Variants in PLK2 observed in about 807,000 individuals in gnomAD.
PLK2 encodes polo like kinase 2.
PLK2 carries 25 observed loss-of-function variants against 78.1 expected under a neutral mutation model. The observed-to-expected ratio is 0.32, with a 90% CI of 0.23 to 0.45. PLK2 has a LOEUF of 0.45. Ranked by LOEUF, PLK2 falls within the 20% of genes least tolerant of loss-of-function variation. PLK2 has a pLI of 1.00. For missense variants in PLK2, 566 were observed against 840.2 expected (o/e 0.67, Z 4.04); for synonymous variants, 332 against 298.2 (o/e 1.11, Z -1.17).
intron 3 of PLK2, 54 bp from the exon 4 acceptor site, chr5:58,458,582 CTGGTT>C: frequency 1.3e-6 from 2 of 1,541,944 alleles, no homozygotes; most frequent in Admixed American, 3.7e-5. Flanking sequence ...ATCAAAATCA[CTGGTT>C]TCCCTTTGCA....
In PLK2 at chr5:58,455,402, A is replaced by G; in HGVS notation, c.1638T>C (p.Tyr546=). The part of the protein sequence containing the change: ...SLLPDKKTVH[Y]YAELGQCSVF... Reference sequence around the variant, plus strand: ...CTGAGCATTGGCCAAGCTCTGCGTAATAGTGAACTGTTCTATAAAAACAGG... The same window carrying G: ...CTGAGCATTGGCCAAGCTCTGCGTAGTAGTGAACTGTTCTATAAAAACAGG... Residue 546 remains tyrosine, a synonymous_variant, in exon 12 of 14, where the codon TAT becomes TAC. Transcript: ENST00000274289. The G allele has an allele frequency of 6.2e-7, 1 of 1,614,150 alleles. No individual in the cohort carries two copies. Among genetic ancestry groups the G allele is most frequent in the East Asian group, 2.2e-5 (1 of 44,894 alleles).
At position 58,458,539 on chromosome 5, in the gene PLK2, G is replaced by A. The variant is rs746441389; in HGVS notation, c.496-11C>T. 17 of 1,598,638 alleles carry A rather than the reference G, an allele frequency of 1.1e-5. No individual in the cohort carries two copies. The highest frequency in any genetic ancestry group is 7.1e-5 in the Admixed American group (4 of 56,682). Reference sequence around the variant, plus strand: ...AATATGAGCCATTGACTAAGAAGAGGAGAAGGAAAAAAGAGAATCTGTCAA... The same window carrying A: ...AATATGAGCCATTGACTAAGAAGAGAAGAAGGAAAAAAGAGAATCTGTCAA... On this transcript the variant is annotated splice_polypyrimidine_tract_variant and intron_variant, in intron 3 of 13. Coordinates refer to ENST00000274289, the MANE Select transcript of PLK2 (RefSeq NM_006622.4).
rs575518201 is a variant in PLK2, at chr5:58,459,249, G to T, written c.271-157C>A. 46 of 613,238 alleles carry T rather than the reference G, an allele frequency of 7.5e-5. 1 individual carries two copies. The South Asian group carries it at 8.9e-4, about 12-fold the overall frequency. 38.0% of individuals were successfully genotyped at this position (613,238 alleles called of 1,614,324 possible). On this transcript the variant is annotated intron_variant, in intron 1 of 13. Transcript: ENST00000274289. ...GAGGGAGGCATTCGACTTCGTTAAA[G>T]CTCCCTCATGAAGAGAAATGCATTG...
At position 58,459,996 on chromosome 5, in the gene PLK2, C is replaced by A. The variant is rs1245935855; in HGVS notation, c.-37G>T. The A allele has an allele frequency of 1.9e-6, 3 of 1,543,548 alleles. No homozygotes were observed. The highest frequency in any genetic ancestry group is 1.9e-5 in the Admixed American group (1 of 53,864). On this transcript the variant is annotated 5_prime_UTR_variant, in exon 1 of 14. Coordinates refer to ENST00000274289, the MANE Select transcript of PLK2 (RefSeq NM_006622.4). ...CGCCCCGCACTGCCCGCTGCCACCC[C>A]CTAGGCGCGGTCACACGTCCGAGCC... is the stretch of plus-strand genomic sequence containing the variant.
At chr5:58,456,451 A>C (rs1297904805) in intron 9 of PLK2, 41 bp downstream of exon 9, 2 of 1,133,198 alleles carry the variant, frequency 1.8e-6, no homozygotes, top group South Asian at 2.6e-5. Context: ...AGTGGAAATA[A>C]CGTAAAGCGT....
Position 58,457,503 on chromosome 5 carries a change from G to A in PLK2, c.794C>T (p.Ala265Val). Reference protein sequence around the residue: ...QGHGCESDIWALGCVMYTMLL... With the variant: ...QGHGCESDIWVLGCVMYTMLL... ...ATTTACTTACATTACACAGCCCAGG[G>A]CCCAAATGTCTGATTCACAGCCATG... Residue 265 changes from alanine to valine, a missense_variant, in exon 6 of 14, where the codon GCC (alanine) becomes GTC (valine). By Grantham distance (64) the Ala-to-Val change is moderately conservative. Transcript: ENST00000274289. 2 of 1,611,016 alleles carry A rather than the reference G, an allele frequency of 1.2e-6. No homozygotes were observed. The highest frequency in any genetic ancestry group is 1.7e-6 in the Non-Finnish European group (2 of 1,177,198).
Position 58,459,858 on chromosome 5 carries a change from C to T in PLK2, c.102G>A (p.Arg34=). Residue 34 remains arginine, a synonymous_variant, in exon 1 of 14, where the codon CGG becomes CGA. Transcript: ENST00000274289. ...GCGATTCCTCGGGGGGCTGCGGCGGCCGCTTCTTCTTCGAGTCCGCTCCGC... is the reference window on the plus strand; with the variant it reads ...GCGATTCCTCGGGGGGCTGCGGCGGTCGCTTCTTCTTCGAGTCCGCTCCGC... ...KGCGADSKKK[R]PPQPPEESQP... 6.2e-7 allele frequency: 1 copy of T among 1,610,682 alleles called. No homozygotes were observed. Among genetic ancestry groups the T allele is most frequent in the South Asian group, 1.1e-5 (1 of 91,030 alleles).
intron 2 of PLK2, 38 bp from the exon 3 acceptor site, chr5:58,458,879 G>T: frequency 7.2e-7 from 1 of 1,385,114 alleles, no homozygotes; most frequent in Non-Finnish European, 1.0e-6. Context: ...TTAGCTTCCA[G>T]TCACCTCGGA....
chr5:58,455,157 A>C lies in PLK2; in HGVS notation c.1755+128T>G, dbSNP rs1453398985. On this transcript the variant is annotated intron_variant, in intron 12 of 13. Coordinates refer to ENST00000274289, the MANE Select transcript of PLK2 (RefSeq NM_006622.4). Reference sequence around the variant, plus strand: ...GGAAATCCCTGCCTCCACCTCCCGGAGATTCTGATTCAGTACACCAACGGT... The same window carrying C: ...GGAAATCCCTGCCTCCACCTCCCGGCGATTCTGATTCAGTACACCAACGGT... The C allele has an allele frequency of 2.4e-6, 3 of 1,225,300 alleles. No individual in the cohort carries two copies. The Admixed American group carries it at 5.8e-5, about 24-fold the overall frequency. The allele number at this position is 1,225,300 out of a possible 1,614,324, so 75.9% of individuals were successfully genotyped here. A position where few individuals can be genotyped will look rare whatever the true frequency, so the allele number is the denominator to read the frequency against.
intron 1 of PLK2, 109 bp downstream of exon 1, chr5:58,459,581 C>G (rs1743700132): frequency 9.9e-7 from 1 of 1,009,008 alleles, no homozygotes; most frequent in Non-Finnish European, 1.4e-6. Flanking sequence ...GATCGGACCC[C>G]CGAAAAACCC....
chr5:58,458,662 ACT>A (rs3830369), intron 3 of PLK2, 61 bp downstream of exon 3: 117,091 of 1,252,022 alleles, frequency 0.094, 5,915 homozygotes, highest in Middle Eastern at 0.13. Context: ...CAGATAAAAT[ACT>A]CTTTGAATAC....
At chr5:58,456,308 C>T (rs940875910) in intron 9 of PLK2, 153 bp from the exon 10 acceptor site, 5 of 789,372 alleles carry the variant, frequency 6.3e-6, no homozygotes, top group Non-Finnish European at 1.0e-5. Flanking sequence ...AGTAAACTCA[C>T]TTGCATGCAC....
chr5:58,457,425 CT>C (rs765748991), intron 6 of PLK2, 46 bp from the exon 7 acceptor site: 2 of 1,576,508 alleles, frequency 1.3e-6, no homozygotes, highest in Non-Finnish European at 1.7e-6. Flanking sequence ...TAAAGCAACT[CT>C]TTTCAAGTGT....
chr5:58,456,752 C>G, intron 8 of PLK2, 163 bp from the exon 9 acceptor site: 1 of 633,354 alleles, frequency 1.6e-6, no homozygotes, highest in Non-Finnish European at 2.7e-6. Context: ...CCCAAAAGCC[C>G]TCTTTAGTGT....
chr5:58,456,506 G>A lies in PLK2; in HGVS notation c.1240C>T (p.His414Tyr), dbSNP rs965820895. ...TCCCAACACACCTCATCTGTCCTGTGTTTGCTGGGTTGCTGAGTTATTGAA... is the reference window on the plus strand; with the variant it reads ...TCCCAACACACCTCATCTGTCCTGTATTTGCTGGGTTGCTGAGTTATTGAA... The part of the protein sequence containing the change: ...KTSITQQPSK[H>Y]RTDEELQPPT... Residue 414 changes from histidine (H) to tyrosine (Y), a missense_variant, in exon 9 of 14, where the codon CAC becomes TAC. His to Tyr is a moderately conservative substitution (Grantham distance 83). Around this residue, in one of 5 missense-constraint regions of PLK2, gnomAD observed 129 missense variants for 156.0 expected, o/e 0.83. Coordinates refer to ENST00000274289, the MANE Select transcript of PLK2 (RefSeq NM_006622.4). 3 of 1,608,012 alleles carry A rather than the reference G, an allele frequency of 1.9e-6. No individual in the cohort carries two copies. The highest frequency in any genetic ancestry group is 2.6e-6 in the Non-Finnish European group (3 of 1,174,718).
chr5:58,456,793 C>T (rs1333921951), intron 8 of PLK2, 152 bp downstream of exon 8: 5 of 632,940 alleles, frequency 7.9e-6, no homozygotes, highest in Non-Finnish European at 1.3e-5. Flanking sequence ...AATCACAATT[C>T]AAGGTATGGA....
Position 58,456,111 on chromosome 5 carries a change from G to A in PLK2, c.1299C>T (p.Pro433=), listed in dbSNP as rs201155878. ...CAATCTGCTGCTTGTTTTCTACTGC[G>A]GGTGTTCCAGACCTGGCAACTGTGG... ...PTTTVARSGT[P]AVENKQQIGD... Residue 433 remains proline (P), a synonymous_variant, in exon 10 of 14, where the codon CCC becomes CCT. Coordinates refer to ENST00000274289, the MANE Select transcript of PLK2 (RefSeq NM_006622.4). 17 of 1,613,766 alleles carry A rather than the reference G, an allele frequency of 1.1e-5. No individual in the cohort carries two copies. Among genetic ancestry groups the A allele is most frequent in the African/African-American group, 2.7e-5 (2 of 74,868 alleles).
chr5:58,457,305 G>A lies in PLK2; in HGVS notation c.884C>T (p.Ala295Val). Residue 295 changes from alanine (A) to valine (V), a missense_variant, in exon 7 of 14, where the codon GCA becomes GTA. Physicochemically the swap from Ala to Val is moderately conservative, Grantham distance 64 (BLOSUM62 0). Transcript: ENST00000274289. ...LKETYRCIRE[A>V]RYTMPSSLLA... is the part of the protein sequence containing the mutation. ...CAATGAGGACGGCATTGTATACCTT[G>A]CTTCCCTTATGCACCTATAAGTTTC... 6.2e-7 allele frequency: 1 copy of A among 1,613,496 alleles called. No individual in the cohort carries two copies. Among genetic ancestry groups the A allele is most frequent in the Non-Finnish European group, 8.5e-7 (1 of 1,179,478 alleles).
At chr5:58,457,958 C>T in intron 5 of PLK2, 126 bp downstream of exon 5, 3 of 733,020 alleles carry the variant, frequency 4.1e-6, no homozygotes, top group Non-Finnish European at 4.8e-6. Flanking sequence ...ATAAGTATTT[C>T]TTTAAATTAA....
Sources: gnomAD v4.1 joint callset for allele counts on GRCh38, gnomAD v4.1.1 for gene constraint, gnomAD v4.1.1 regional missense constraint, MANE v1.5 for transcripts, NCBI Gene and HGNC (gene_info 2026-07-23, HGNC 2026-07-21) for gene names.